Variants in SMIM14 observed in about 807,000 individuals in gnomAD.
The protein encoded by SMIM14 is chromosome 4 open reading frame 34.
Under a neutral mutation model 12.6 loss-of-function variants are expected in SMIM14, and 5 were observed. That is an observed-to-expected ratio of 0.40 (90% confidence interval 0.21 to 0.83). The LOEUF is 0.83. SMIM14 is among the 40% of genes least tolerant of loss of function. SMIM14 has a pLI of 0.37. For missense variants in SMIM14, 86 were observed against 119.1 expected (o/e 0.72, Z 1.29); for synonymous variants, 30 against 40.1 (o/e 0.75, Z 0.95).
At chr4:39,587,609 T>C (rs1713851675) in intron 2 of SMIM14, among the ~76,000 whole-genome samples, 1 of 151,660 alleles carries the variant, frequency 6.6e-6, no homozygotes, top group African/African-American at 2.4e-5. Flanking sequence ...CACTCCCCAT[T>C]GAGAGGTGAA....
intron 1 of SMIM14, among the ~76,000 whole-genome samples, chr4:39,622,249 A>G (rs1254472116): frequency 6.6e-6 from 1 of 150,784 alleles, no homozygotes; most frequent in East Asian, 2.0e-4. Context: ...GTGCCCAGCT[A>G]ATTTTTGTAT....
intron 1 of SMIM14, among the ~76,000 whole-genome samples, chr4:39,605,864 C>T (rs914505350): frequency 5.3e-5 from 8 of 152,230 alleles, no homozygotes; most frequent in Middle Eastern, 3.4e-3. Context: ...CCTCAGCTTC[C>T]GGAGTAGCTG....
intron 2 of SMIM14, among the ~76,000 whole-genome samples, chr4:39,588,959 T>C (rs1335310391): frequency 1.3e-5 from 2 of 152,304 alleles, no homozygotes; most frequent in South Asian, 2.1e-4. Context: ...AAAGGTCCGA[T>C]GGGCCTTAAA....
chr4:39,559,010 A>G (rs1319178086), intron 3 of SMIM14, among the ~76,000 whole-genome samples: 1 of 152,180 alleles, frequency 6.6e-6, no homozygotes, highest in East Asian at 1.9e-4. Flanking sequence ...GCCTGGCTGC[A>G]GTTTCTTATA....
intron 1 of SMIM14, among the ~76,000 whole-genome samples, chr4:39,618,216 G>A (rs568314332): frequency 1.6e-4 from 25 of 152,260 alleles, no homozygotes; most frequent in African/African-American, 5.5e-4. Context: ...AGGGGCTGCT[G>A]AGGAGAACTT....
intron 1 of SMIM14, among the ~76,000 whole-genome samples, chr4:39,607,072 C>A (rs998530791): frequency 6.6e-6 from 1 of 152,086 alleles, no homozygotes; most frequent in Non-Finnish European, 1.5e-5. Context: ...GTGGTTGGGG[C>A]AGGAGGACCA....
At chr4:39,636,173 C>CAA (rs749292775) in intron 1 of SMIM14, among the ~76,000 whole-genome samples, 16 of 76,334 alleles carry the variant, frequency 2.1e-4, no homozygotes, top group South Asian at 1.0e-3. Context: ...CTCCATCTCC[C>CAA]AAAAAAAAAA....
At chr4:39,610,120 A>C (rs1714970330) in intron 1 of SMIM14, among the ~76,000 whole-genome samples, 1 of 152,076 alleles carries the variant, frequency 6.6e-6, no homozygotes, top group African/African-American at 2.4e-5. Context: ...CCTTCCAAGT[A>C]GCTGGGACCA....
At chr4:39,598,712 CT>C (rs1578345658) in intron 2 of SMIM14, among the ~76,000 whole-genome samples, 1 of 152,124 alleles carries the variant, frequency 6.6e-6, no homozygotes, top group African/African-American at 2.4e-5. Flanking sequence ...AAAGTTAGTA[CT>C]TTTTTTGCAT....
At chr4:39,603,642 A>G (rs149973022) in intron 2 of SMIM14, among the ~76,000 whole-genome samples, 227 of 152,240 alleles carry the variant, frequency 1.5e-3, no homozygotes, top group African/African-American at 5.3e-3. Context: ...ACTCACTACA[A>G]TCGACTCAAT....
At chr4:39,623,209 G>A (rs1715569633) in intron 1 of SMIM14, among the ~76,000 whole-genome samples, 2 of 152,180 alleles carry the variant, frequency 1.3e-5, no homozygotes, top group African/African-American at 4.8e-5. Context: ...CAAGGGGGGA[G>A]AGGTATGGAT....
intron 2 of SMIM14, among the ~76,000 whole-genome samples, chr4:39,584,804 AAAAAAAAG>A (rs1713706346): frequency 6.6e-6 from 1 of 150,500 alleles, no homozygotes; most frequent in African/African-American, 2.5e-5. Context: ...AAAAAAAAAA[AAAAAAAAG>A]AAAAAAGAAA....
At chr4:39,578,175 G>T (rs1206335054) in intron 2 of SMIM14, among the ~76,000 whole-genome samples, 1 of 152,142 alleles carries the variant, frequency 6.6e-6, no homozygotes, top group Non-Finnish European at 1.5e-5. Context: ...AAGAAACAAG[G>T]TCTTCTCTGG....
chr4:39,567,143 G>GAAAAAAAAA, intron 3 of SMIM14, among the ~76,000 whole-genome samples: 1 of 72,112 alleles, frequency 1.4e-5, no homozygotes, highest in Non-Finnish European at 2.8e-5. Context: ...CTCAAAAAAA[G>GAAAAAAAAA]AAAAAAAAAA....
At chr4:39,571,985 G>A (rs1712914643) in intron 3 of SMIM14, among the ~76,000 whole-genome samples, 1 of 151,768 alleles carries the variant, frequency 6.6e-6, no homozygotes. Flanking sequence ...TGTATTTTTT[G>A]TAGAGACAGG....
intron 2 of SMIM14, among the ~76,000 whole-genome samples, chr4:39,587,149 C>G (rs1713821252): frequency 6.6e-6 from 1 of 151,888 alleles, no homozygotes; most frequent in Non-Finnish European, 1.5e-5. Context: ...ATACTATGAT[C>G]CCTTCTATGT....
At chr4:39,573,992 C>A (rs891789047) in intron 2 of SMIM14, among the ~76,000 whole-genome samples, 2 of 152,104 alleles carry the variant, frequency 1.3e-5, no homozygotes, top group Non-Finnish European at 2.9e-5. Flanking sequence ...TATGCTGAGA[C>A]CTTTTACGAT....
At chr4:39,622,640 A>G (rs1715545439) in intron 1 of SMIM14, among the ~76,000 whole-genome samples, 1 of 152,132 alleles carries the variant, frequency 6.6e-6, no homozygotes, top group South Asian at 2.1e-4. Context: ...ACCTCAAGTG[A>G]TCCGCCGCCT....
At position 39,576,153 on chromosome 4, in the gene SMIM14, CCA is replaced by C. The variant is rs200904821; in HGVS notation, c.76-3692_76-3691del. ...CAAGTGATCCACTTGCTTCGGCCTC[CCA>C]AAGTGCTGGGATTACAGGCGTGAGT... On this transcript the variant is annotated intron_variant, in intron 2 of 4. Coordinates refer to ENST00000295958, the MANE Select transcript of SMIM14 (RefSeq NM_174921.3). Among the ~76,000 whole-genome samples the C allele has an allele frequency of 4.5e-3, 685 of 151,520 alleles. 5 individuals are homozygous for C. Among genetic ancestry groups the C allele is most frequent in the African/African-American group, 0.016 (650 of 41,298 alleles).
Sources: gnomAD v4.1 joint callset for allele counts (sites outside exome capture counted in the v4.1 genomes callset) on GRCh38, gnomAD v4.1.1 for gene constraint, MANE v1.5 for transcripts, NCBI Gene and HGNC (gene_info 2026-07-23, HGNC 2026-07-21) for gene names.